The following RASGEF1C variants were observed in gnomAD, a reference collection of about 807,000 sequenced individuals.
RASGEF1C encodes ras-GEF domain-containing family member 1C.
A neutral mutation model predicts 58.1 loss-of-function variants in RASGEF1C; 27 were observed. That is an observed-to-expected ratio of 0.46 (90% CI 0.34 to 0.64). The LOEUF (loss-of-function observed/expected upper bound fraction) is 0.64. Ranked by LOEUF, RASGEF1C falls within the 30% of genes least tolerant of loss-of-function variation. The pLI is 0.01. For synonymous variants in RASGEF1C, 243 were observed against 246.3 expected, an observed-to-expected ratio of 0.99 and a Z score of 0.13; for missense variants, 502 against 605.1, an observed-to-expected ratio of 0.83 and a Z score of 1.79.
chr5:180,152,042 T>C (rs376073160), intron 1 of RASGEF1C, among the ~76,000 whole-genome samples: 10,311 of 134,592 alleles, frequency 0.077, 551 homozygotes, highest in Middle Eastern at 0.12. Flanking sequence ...CCAGTTAGAA[T>C]GGCGATCATT....
Position 180,101,390 on chromosome 5 carries a change from A to C in RASGEF1C, c.*111T>G. 16 of 1,273,180 alleles carry C rather than the reference A, an allele frequency of 1.3e-5. No individual in the cohort carries two copies. Among genetic ancestry groups the C allele is most frequent in the Middle Eastern group, 2.3e-4 (1 of 4,258 alleles). The allele number at this position is 1,273,180 out of a possible 1,614,324, so 78.9% of individuals were successfully genotyped here. ...GCGGGCAGCAGGCCACAGGGTCGGCATTTGCAAAATAGTGAGGCACTCCCT... is the reference window on the plus strand; with the variant it reads ...GCGGGCAGCAGGCCACAGGGTCGGCCTTTGCAAAATAGTGAGGCACTCCCT... On this transcript the variant is annotated 3_prime_UTR_variant, in exon 14 of 14. Transcript: ENST00000361132.
At chr5:180,191,961 C>T (rs11249682) in intron 1 of RASGEF1C, among the ~76,000 whole-genome samples, 91,744 of 151,926 alleles carry the variant, frequency 0.6, 29,111 homozygotes, top group East Asian at 0.88. Context: ...TTCTTCTGGC[C>T]GTGAGTCTCA....
chr5:180,126,134 G>A (rs777346017), intron 6 of RASGEF1C, among the ~76,000 whole-genome samples: 11 of 152,152 alleles, frequency 7.2e-5, no homozygotes, highest in Admixed American at 3.3e-4. Context: ...TCGGCCGGGC[G>A]CGGTAGCTCA....
chr5:180,184,018 A>G (rs1755976018), intron 1 of RASGEF1C, among the ~76,000 whole-genome samples: 1 of 141,904 alleles, frequency 7.0e-6, no homozygotes, highest in African/African-American at 2.6e-5. Flanking sequence ...CTAAAAATAC[A>G]AAAATTAGCC....
At chr5:180,200,588 C>T (rs1392627701) in intron 1 of RASGEF1C, among the ~76,000 whole-genome samples, 1 of 152,034 alleles carries the variant, frequency 6.6e-6, no homozygotes, top group Non-Finnish European at 1.5e-5. Flanking sequence ...GCTGGGATTA[C>T]AGGCGTGAGC....
At chr5:180,123,069 A>G (rs781453257) in intron 6 of RASGEF1C, among the ~76,000 whole-genome samples, 2 of 152,258 alleles carry the variant, frequency 1.3e-5, no homozygotes, top group Non-Finnish European at 2.9e-5. Context: ...ACGTAACTAT[A>G]TTAACATTGA....
At chr5:180,181,569 G>A (rs1767326845) in intron 1 of RASGEF1C, among the ~76,000 whole-genome samples, 1 of 152,194 alleles carries the variant, frequency 6.6e-6, no homozygotes, top group African/African-American at 2.4e-5. Context: ...GTGACACTGA[G>A]GGCAGAGACT....
chr5:180,103,936 G>C (rs540136504), intron 12 of RASGEF1C, among the ~76,000 whole-genome samples: 1 of 152,150 alleles, frequency 6.6e-6, no homozygotes. Context: ...ATATAATCAT[G>C]TGTCTTTTCT....
At chr5:180,169,965 G>A (rs974021136) in intron 1 of RASGEF1C, among the ~76,000 whole-genome samples, 6 of 152,116 alleles carry the variant, frequency 3.9e-5, no homozygotes, top group African/African-American at 1.2e-4. Context: ...GAGACCTTCC[G>A]TGACCACTGC....
At chr5:180,131,837 CT>C (rs1278696907) in intron 4 of RASGEF1C, among the ~76,000 whole-genome samples, 5 of 152,216 alleles carry the variant, frequency 3.3e-5, no homozygotes, top group Non-Finnish European at 5.9e-5. Flanking sequence ...AGATTTGTTA[CT>C]GTTGAATGAA....
chr5:180,198,629 C>T lies in RASGEF1C; in HGVS notation c.-7+10399G>A, dbSNP rs72823729. Among the ~76,000 whole-genome samples the T allele has an allele frequency of 0.015, 2,221 of 152,250 alleles. 22 individuals carry two copies. The highest frequency in any genetic ancestry group is 0.025 in the Non-Finnish European group (1,704 of 68,016). On this transcript the variant is annotated intron_variant, in intron 1 of 13. Coordinates refer to ENST00000361132, the MANE Select transcript of RASGEF1C (RefSeq NM_175062.4). The surrounding 1 kb of genome is among the most constrained non-coding windows in gnomAD (Gnocchi z 4.5). ...CTTTCTTTTATAGGGGAACGAATTC[C>T]GTTTTTTAGGGTACTACCCATGAAA...
intron 10 of RASGEF1C, chr5:180,115,375 C>A (rs1426831131): frequency 1.0e-5 from 4 of 384,192 alleles, no homozygotes; most frequent in Admixed American, 3.5e-5. Context: ...TACTGTTAGA[C>A]CAAAAGCAAT....
Position 180,137,268 on chromosome 5 carries a change from C to T in RASGEF1C, c.300+322G>A, listed in dbSNP as rs111229882. ...CCCGGCCAGGACTGGGAAGGTGGAG[C>T]GGATGTGCTGGGGGAAGGAAGCCCA... On this transcript the variant is annotated intron_variant, in intron 3 of 13. Transcript: ENST00000361132. This position sits in a 1 kb window ranked among gnomAD's most constrained non-coding sequence, Gnocchi z 4.1. 2.0e-5 allele frequency among the ~76,000 whole-genome samples: 3 copies of T among 152,116 alleles called. No individual in the cohort carries two copies. Among genetic ancestry groups the T allele is most frequent in the Non-Finnish European group, 4.4e-5 (3 of 68,006 alleles).
intron 1 of RASGEF1C, among the ~76,000 whole-genome samples, chr5:180,189,997 C>A (rs753509756): frequency 2.1e-4 from 30 of 143,682 alleles, no homozygotes; most frequent in Middle Eastern, 4.0e-3. Flanking sequence ...TTACTTCATG[C>A]GAAAAAAAAA....
chr5:180,178,853 AG>A (rs1767274424), intron 1 of RASGEF1C, among the ~76,000 whole-genome samples: 1 of 151,888 alleles, frequency 6.6e-6, no homozygotes, highest in South Asian at 2.1e-4. Flanking sequence ...TGATATGTGG[AG>A]GGGACAGCTG....
chr5:180,128,324 C>T (rs1766299161), intron 5 of RASGEF1C, 86 bp downstream of exon 5: 1 of 1,250,570 alleles, frequency 8.0e-7, no homozygotes, highest in Non-Finnish European at 1.2e-6. Flanking sequence ...GCTTGTGGGG[C>T]TGCTCTGGGA....
chr5:180,181,112 T>C (rs921320129), intron 1 of RASGEF1C, among the ~76,000 whole-genome samples: 4 of 152,224 alleles, frequency 2.6e-5, no homozygotes, highest in Non-Finnish European at 4.4e-5. Flanking sequence ...ACTACTAGCC[T>C]GGGGCTCTGC....
chr5:180,128,336 G>T, intron 5 of RASGEF1C, 74 bp downstream of exon 5: 1 of 1,372,524 alleles, frequency 7.3e-7, no homozygotes, highest in Non-Finnish European at 1.0e-6. Flanking sequence ...GCTCTGGGAA[G>T]CCAGGGAGGG....
At chr5:180,115,619 C>CT (rs1766052869) in intron 10 of RASGEF1C, among the ~76,000 whole-genome samples, 1 of 152,194 alleles carries the variant, frequency 6.6e-6, no homozygotes, top group Non-Finnish European at 1.5e-5. Flanking sequence ...GAGCCCGCTA[C>CT]TTATGCCTTT....
Sources: allele counts gnomAD v4.1 joint callset (sites outside exome capture counted in the v4.1 genomes callset), GRCh38; gene constraint gnomAD v4.1.1; non-coding constraint Gnocchi (gnomAD v3.1); transcripts MANE v1.5; gene names NCBI Gene and HGNC (gene_info 2026-07-23, HGNC 2026-07-21).